Variants in ITPR2 observed in about 807,000 individuals in gnomAD.
ITPR2 encodes the protein inositol 1,4,5-trisphosphate-gated calcium channel ITPR2.
Under a neutral mutation model 317.1 loss-of-function variants are expected in ITPR2, and 207 were observed. The observed-to-expected ratio is 0.65, with a 90% CI of 0.58 to 0.73. The LOEUF (loss-of-function observed/expected upper bound fraction) is 0.73. Among genes scored for constraint, ITPR2 ranks in the 30% least tolerant of loss-of-function variants. The pLI, the probability that ITPR2 is intolerant of heterozygous loss-of-function variation, is 0.00. For missense variants in ITPR2, 2,613 were observed against 3,284.0 expected (o/e 0.80, Z 4.99); for synonymous variants, 1,156 against 1,149.1 (o/e 1.01, Z -0.12).
chr12:26,401,871 T>A (rs1453337335), intron 52 of ITPR2, among the ~76,000 whole-genome samples: 1 of 152,232 alleles, frequency 6.6e-6, no homozygotes, highest in African/African-American at 2.4e-5. Context: ...TAAAACATGC[T>A]GGGATACACC....
chr12:26,784,310 TCTC>T lies in ITPR2; in HGVS notation c.163+5844_163+5846del, dbSNP rs1239465088. On this transcript the variant is annotated intron_variant, in intron 2 of 56. Transcript: ENST00000381340. ...CTCTCCCTCTCCCTCTCCCTCTCCC[TCTC>T]CCTCTGCCTCTCCCTCTCCCTCTCC... Among the ~76,000 whole-genome samples, 17 of 16,112 alleles carry T rather than the reference TCTC, an allele frequency of 1.1e-3. 1 individual carries two copies. Among genetic ancestry groups the T allele is most frequent in the Non-Finnish European group, 1.7e-3 (12 of 7,072 alleles). 10.6% of individuals were successfully genotyped at this position (16,112 alleles called of 152,430 possible).
chr12:26,777,308 C>T (rs1949992336), intron 2 of ITPR2, among the ~76,000 whole-genome samples: 1 of 152,162 alleles, frequency 6.6e-6, no homozygotes, highest in Non-Finnish European at 1.5e-5. Context: ...AGAAGATCTA[C>T]CCTTGACCAA....
At chr12:26,435,562 A>T (rs1941331394) in intron 48 of ITPR2, among the ~76,000 whole-genome samples, 1 of 152,130 alleles carries the variant, frequency 6.6e-6, no homozygotes, top group African/African-American at 2.4e-5. Flanking sequence ...TACAAAACTT[A>T]CTTCCCAAAA....
At chr12:26,409,665 T>G (rs1056168382) in intron 52 of ITPR2, among the ~76,000 whole-genome samples, 1 of 152,206 alleles carries the variant, frequency 6.6e-6, no homozygotes, top group Non-Finnish European at 1.5e-5. Flanking sequence ...AAGTCATATT[T>G]TCCCATGGGA....
chr12:26,712,853 C>T (rs1395121986), intron 8 of ITPR2, among the ~76,000 whole-genome samples: 3 of 152,172 alleles, frequency 2.0e-5, no homozygotes, highest in Non-Finnish European at 4.4e-5. Flanking sequence ...TGGAGGGATG[C>T]TATTGGCATT....
chr12:26,677,860 G>A (rs1027314100), intron 13 of ITPR2, among the ~76,000 whole-genome samples: 6 of 152,128 alleles, frequency 3.9e-5, no homozygotes, highest in African/African-American at 1.4e-4. Context: ...AAATGATGTT[G>A]CTCAGAGAAG....
In ITPR2 at chr12:26,764,740, G is replaced by A. The variant is rs549665699; in HGVS notation, c.163+25417C>T. 3.8e-3 allele frequency among the ~76,000 whole-genome samples: 576 copies of A among 151,880 alleles called. 2 individuals carry two copies. The highest frequency in any genetic ancestry group is 0.013 in the African/African-American group (553 of 41,466). The stretch of plus-strand genomic sequence containing the variant: ...AACAAAAAAACTGTACAAAAGACCT[G>A]AACAGACACCTTACCAGAGAAATTA... On this transcript the variant is annotated intron_variant, in intron 2 of 56. Transcript: ENST00000381340.
At chr12:26,430,726 CT>C (rs1941183561) in intron 48 of ITPR2, among the ~76,000 whole-genome samples, 1 of 152,170 alleles carries the variant, frequency 6.6e-6, no homozygotes, top group South Asian at 2.1e-4. Flanking sequence ...ATTTTTAAAT[CT>C]TAGAAAGTAT....
chr12:26,790,054 G>A (rs370444912), intron 2 of ITPR2, 103 bp downstream of exon 2: 30 of 790,178 alleles, frequency 3.8e-5, no homozygotes, highest in East Asian at 1.9e-4. Context: ...ATTTATATCT[G>A]AAAGTTTCAC....
In ITPR2 at chr12:26,516,190, C is replaced by T. The variant is rs1037637361; in HGVS notation, c.5074-20930G>A. On this transcript the variant is annotated intron_variant, in intron 37 of 56. Transcript: ENST00000381340. ...AGAGGAGAGGGGAGGGGAGGGGAGG[C>T]GGGGGAGGGAAGGGGAGGACAGGAA... Among the ~76,000 whole-genome samples, 33 of 22,252 alleles carry T rather than the reference C, an allele frequency of 1.5e-3. 1 individual carries two copies. The highest frequency in any genetic ancestry group is 4.2e-3 in the African/African-American group (29 of 6,980). The allele number at this position is 22,252 out of a possible 152,430, so 14.6% of individuals were successfully genotyped here.
intron 37 of ITPR2, among the ~76,000 whole-genome samples, chr12:26,547,845 C>T (rs1438768256): frequency 6.6e-6 from 1 of 152,190 alleles, no homozygotes; most frequent in Non-Finnish European, 1.5e-5. Context: ...GTCTTATATT[C>T]TGTCTGCCTA....
chr12:26,506,520 CAA>C (rs11362827), intron 37 of ITPR2, among the ~76,000 whole-genome samples: 21,795 of 87,890 alleles, frequency 0.25, 1,898 homozygotes, highest in Non-Finnish European at 0.3. Flanking sequence ...AATCCTGTCT[CAA>C]AAAAAAAAAA....
chr12:26,782,015 TATATATATATATATATATGTATAGAGAG>T (rs1407083392), intron 2 of ITPR2, among the ~76,000 whole-genome samples: 1,642 of 56,032 alleles, frequency 0.029, 38 homozygotes, highest in Non-Finnish European at 0.048. Context: ...TATATATATA[TATATATATATATATATATGTATAGAGAG>T]AGAGAGAGAG....
At chr12:26,686,765 A>G (rs569288049) in intron 10 of ITPR2, 133 bp from the exon 11 acceptor site, 6 of 759,988 alleles carry the variant, frequency 7.9e-6, no homozygotes, top group Admixed American at 7.8e-5. Flanking sequence ...CACATCATCC[A>G]GAAACACTAG....
chr12:26,574,308 T>G (rs1316934550), intron 34 of ITPR2, among the ~76,000 whole-genome samples: 3 of 152,174 alleles, frequency 2.0e-5, no homozygotes, highest in Non-Finnish European at 4.4e-5. Context: ...TCTAAATATT[T>G]CAAATGTTTT....
intron 45 of ITPR2, among the ~76,000 whole-genome samples, chr12:26,464,140 T>A (rs1264257975): frequency 1.3e-5 from 2 of 152,192 alleles, no homozygotes; most frequent in Non-Finnish European, 2.9e-5. Context: ...GGATCAGTTT[T>A]GTGGAAAGCA....
intron 29 of ITPR2, among the ~76,000 whole-genome samples, chr12:26,599,657 A>G (rs1162356210): frequency 6.6e-6 from 1 of 152,180 alleles, no homozygotes; most frequent in Non-Finnish European, 1.5e-5. Flanking sequence ...CATTTTACAG[A>G]CAAGGGCAAA....
chr12:26,605,030 G>C (rs1351414601), intron 26 of ITPR2, among the ~76,000 whole-genome samples: 2 of 150,276 alleles, frequency 1.3e-5, no homozygotes, highest in African/African-American at 4.9e-5. Context: ...GGAGGTGGCA[G>C]TGAGCCAAGA....
At chr12:26,652,422 A>T (rs1205249185) in intron 21 of ITPR2, among the ~76,000 whole-genome samples, 1 of 152,220 alleles carries the variant, frequency 6.6e-6, no homozygotes, top group East Asian at 1.9e-4. Context: ...CTCATTTATA[A>T]TTCTTAACTA....
Sources: gnomAD v4.1 joint callset for allele counts (sites outside exome capture counted in the v4.1 genomes callset) on GRCh38, gnomAD v4.1.1 for gene constraint, MANE v1.5 for transcripts, NCBI Gene and HGNC (gene_info 2026-07-23, HGNC 2026-07-21) for gene names.